The following KCNJ3 variants were observed in gnomAD, a reference collection of about 807,000 sequenced individuals.
KCNJ3 encodes the protein G protein-activated inward rectifier potassium channel 1.
KCNJ3 carries 4 observed loss-of-function variants against 39.2 expected under a neutral mutation model. The ratio of observed to expected loss-of-function variants is 0.10; its 90% confidence interval spans 0.05 to 0.23. The LOEUF (loss-of-function observed/expected upper bound fraction) is 0.23, where lower values mean the gene tolerates loss of function less well. Ranked by LOEUF, KCNJ3 falls within the 10% of genes least tolerant of loss-of-function variation. The pLI is 1.00. For synonymous variants in KCNJ3, 230 were observed against 237.4 expected (o/e 0.97, Z 0.29); for missense variants, 276 against 634.9 (o/e 0.43, Z 6.08).
chr2:154,753,836 C>T (rs892809903), intron 2 of KCNJ3, among the ~76,000 whole-genome samples: 8 of 151,988 alleles, frequency 5.3e-5, no homozygotes, highest in Non-Finnish European at 1.2e-4. Flanking sequence ...TTGTCTTATC[C>T]TTTTTTTAGA....
chr2:154,801,949 A>G (rs1015930467), intron 2 of KCNJ3, among the ~76,000 whole-genome samples: 5 of 152,142 alleles, frequency 3.3e-5, no homozygotes, highest in Admixed American at 1.3e-4. Flanking sequence ...TATTACAACT[A>G]GAATTAAAAC....
intron 2 of KCNJ3, among the ~76,000 whole-genome samples, chr2:154,833,532 C>G (rs1687397415): frequency 6.6e-6 from 1 of 152,114 alleles, no homozygotes; most frequent in African/African-American, 2.4e-5. Context: ...CAATGAACCA[C>G]ACTGACACAT....
intron 2 of KCNJ3, among the ~76,000 whole-genome samples, chr2:154,817,267 T>TAAAC (rs1687099878): frequency 6.6e-6 from 1 of 152,184 alleles, no homozygotes; most frequent in African/African-American, 2.4e-5. Flanking sequence ...CAGTGTTGGA[T>TAAAC]AAACACTTCT....
chr2:154,700,253 A>T (rs192579542), intron 1 of KCNJ3, among the ~76,000 whole-genome samples: 23 of 152,304 alleles, frequency 1.5e-4, no homozygotes, highest in Admixed American at 1.5e-3. Context: ...GCATCCATTA[A>T]AGAAGAATTG....
At chr2:154,841,594 T>C (rs1187156258) in intron 2 of KCNJ3, among the ~76,000 whole-genome samples, 1 of 152,214 alleles carries the variant, frequency 6.6e-6, no homozygotes, top group Non-Finnish European at 1.5e-5. Context: ...TATTAATTAT[T>C]GCCTCAATTT....
chr2:154,854,606 G>A (rs746320079), intron 2 of KCNJ3, 121 bp from the exon 3 acceptor site: 10 of 628,874 alleles, frequency 1.6e-5, no homozygotes, highest in Non-Finnish European at 2.7e-5. Context: ...TCTATTATTC[G>A]GGCTTCAGAT....
intron 2 of KCNJ3, among the ~76,000 whole-genome samples, chr2:154,763,756 C>T (rs114231574): frequency 0.011 from 1,662 of 152,280 alleles, 28 homozygotes; most frequent in African/African-American, 0.038. Context: ...CTTCTAGCTT[C>T]TAGCTGCTAG....
At chr2:154,731,723 G>C (rs1574438814) in intron 2 of KCNJ3, among the ~76,000 whole-genome samples, 1 of 141,214 alleles carries the variant, frequency 7.1e-6, no homozygotes, top group South Asian at 2.3e-4. Context: ...GAAAAAAAAA[G>C]AGAGACACAG....
chr2:154,846,885 G>C (rs1338888542), intron 2 of KCNJ3, among the ~76,000 whole-genome samples: 2 of 152,132 alleles, frequency 1.3e-5, no homozygotes, highest in Non-Finnish European at 1.5e-5. Flanking sequence ...AAATACAACT[G>C]GGCTTTTCTT....
At chr2:154,700,788 T>C (rs1015905278) in intron 1 of KCNJ3, among the ~76,000 whole-genome samples, 1 of 152,198 alleles carries the variant, frequency 6.6e-6, no homozygotes, top group Middle Eastern at 3.2e-3. Context: ...TAATTATCCT[T>C]GACCAAGTTG....
intron 2 of KCNJ3, among the ~76,000 whole-genome samples, chr2:154,819,457 C>T (rs1687133535): frequency 6.6e-6 from 1 of 152,014 alleles, no homozygotes; most frequent in Non-Finnish European, 1.5e-5. Context: ...CATTTTATTA[C>T]TAAATACTTC....
At chr2:154,816,930 T>C (rs942128010) in intron 2 of KCNJ3, among the ~76,000 whole-genome samples, 6 of 152,226 alleles carry the variant, frequency 3.9e-5, no homozygotes, top group African/African-American at 1.4e-4. Context: ...ATTAGTTTCA[T>C]ATCTGAAAGA....
chr2:154,785,078 T>G (rs2105206094), intron 2 of KCNJ3, among the ~76,000 whole-genome samples: 1 of 152,326 alleles, frequency 6.6e-6, no homozygotes, highest in African/African-American at 2.4e-5. Flanking sequence ...CAGCATTACA[T>G]GAGTGAAATA....
intron 2 of KCNJ3, among the ~76,000 whole-genome samples, chr2:154,725,771 A>T (rs1685344467): frequency 6.6e-6 from 1 of 152,178 alleles, no homozygotes; most frequent in South Asian, 2.1e-4. Flanking sequence ...AGACCAATGG[A>T]ACAGAATAGA....
chr2:154,847,447 G>A (rs1322256960), intron 2 of KCNJ3, among the ~76,000 whole-genome samples: 1 of 152,162 alleles, frequency 6.6e-6, no homozygotes, highest in Non-Finnish European at 1.5e-5. Flanking sequence ...GGTGGACTAG[G>A]AAGTTACTTG....
At position 154,741,488 on chromosome 2, in the gene KCNJ3, CAG is replaced by C. The variant is rs544862423; in HGVS notation, c.919+31673_919+31674del. Among the ~76,000 whole-genome samples, 506 of 151,352 alleles carry C rather than the reference CAG, an allele frequency of 3.3e-3. 1 individual carries two copies. Among genetic ancestry groups the C allele is most frequent in the Non-Finnish European group, 4.8e-3 (327 of 67,746 alleles). Reference sequence around the variant, plus strand: ...TTTTGGTCTTCCTTAAAATGATTGACAGAGAATCGATTGTGTTAAGAATTATC... The same window carrying C: ...TTTTGGTCTTCCTTAAAATGATTGACAGAATCGATTGTGTTAAGAATTATC... On this transcript the variant is annotated intron_variant, in intron 2 of 2. Transcript: ENST00000295101.
intron 2 of KCNJ3, among the ~76,000 whole-genome samples, chr2:154,753,476 C>T (rs1179383565): frequency 6.6e-6 from 1 of 152,072 alleles, no homozygotes; most frequent in Non-Finnish European, 1.5e-5. Context: ...GATTTTAGCA[C>T]TGAAGTATAA....
intron 2 of KCNJ3, among the ~76,000 whole-genome samples, chr2:154,718,549 T>A (rs1341271603): frequency 6.6e-6 from 1 of 152,142 alleles, no homozygotes; most frequent in Non-Finnish European, 1.5e-5. Flanking sequence ...GAATGTTAAA[T>A]CAGCCTTCCT....
intron 2 of KCNJ3, among the ~76,000 whole-genome samples, chr2:154,758,761 T>C (rs1685985547): frequency 6.6e-6 from 1 of 152,154 alleles, no homozygotes; most frequent in Non-Finnish European, 1.5e-5. Flanking sequence ...GCTTCTTTTG[T>C]TGACTTGAAA....
Sources: gnomAD v4.1 joint callset for allele counts (sites outside exome capture counted in the v4.1 genomes callset) on GRCh38, gnomAD v4.1.1 for gene constraint, MANE v1.5 for transcripts, NCBI Gene and HGNC (gene_info 2026-07-23, HGNC 2026-07-21) for gene names.